ARHGAP15: variants seen among roughly 807,000 people sequenced by gnomAD.
ARHGAP15 encodes Rho GTPase activating protein 15, also known as rho GTPase-activating protein 15.
ARHGAP15 carries 51 observed loss-of-function variants against 63.7 expected under a neutral mutation model. The observed-to-expected ratio is 0.80, with a 90% CI of 0.64 to 1.01. The LOEUF is 1.01. ARHGAP15 is among the 50% of genes least tolerant of loss of function. ARHGAP15 has a pLI of 0.00. For missense variants in ARHGAP15, 560 were observed against 564.6 expected, an observed-to-expected ratio of 0.99 and a Z score of 0.08; for synonymous variants, 191 against 193.8, an observed-to-expected ratio of 0.99 and a Z score of 0.12.
intron 13 of ARHGAP15, among the ~76,000 whole-genome samples, chr2:143,755,227 A>G (rs1463980303): frequency 6.7e-6 from 1 of 148,904 alleles, no homozygotes; most frequent in Non-Finnish European, 1.5e-5. Context: ...TTGGTATAAA[A>G]TCTTTAATAT....
chr2:143,507,172 T>C (rs532971225), intron 9 of ARHGAP15, among the ~76,000 whole-genome samples: 161 of 152,316 alleles, frequency 1.1e-3, no homozygotes, highest in African/African-American at 3.8e-3. Context: ...CCAACTCAGT[T>C]ACCAGTGCCA....
At chr2:143,164,202 A>G (rs972410764) in intron 2 of ARHGAP15, among the ~76,000 whole-genome samples, 19 of 152,070 alleles carry the variant, frequency 1.2e-4, no homozygotes, top group Non-Finnish European at 2.5e-4. Flanking sequence ...AGGAAGCATT[A>G]AAGTATTTTA....
At chr2:143,609,069 T>G (rs1332307713) in intron 11 of ARHGAP15, among the ~76,000 whole-genome samples, 1 of 152,232 alleles carries the variant, frequency 6.6e-6, no homozygotes, top group Non-Finnish European at 1.5e-5. Context: ...AACTACACAA[T>G]TTCAGTATTC....
intron 6 of ARHGAP15, among the ~76,000 whole-genome samples, chr2:143,408,282 C>T (rs1688299147): frequency 1.3e-5 from 2 of 149,546 alleles, no homozygotes; most frequent in South Asian, 4.2e-4. Flanking sequence ...CTGCAAACTA[C>T]TTTTAATAGA....
intron 13 of ARHGAP15, among the ~76,000 whole-genome samples, chr2:143,721,504 A>G (rs962574463): frequency 5.3e-5 from 8 of 152,196 alleles, no homozygotes; most frequent in African/African-American, 1.9e-4. Context: ...GGGGGATATC[A>G]GCAGTGGTCT....
At position 143,282,907 on chromosome 2, in the gene ARHGAP15, C is replaced by T. The variant is rs943207893; in HGVS notation, c.474+32307C>T. 7.9e-5 allele frequency among the ~76,000 whole-genome samples: 12 copies of T among 152,234 alleles called. No homozygotes were observed. The East Asian group carries it at 1.2e-3, about 15-fold the overall frequency. ...CTCCTGTTGGTCTCCCTTGGCGTTACGCTGTAGCCAGCCCTTCAATACAAT... is the reference window on the plus strand; with the variant it reads ...CTCCTGTTGGTCTCCCTTGGCGTTATGCTGTAGCCAGCCCTTCAATACAAT... On this transcript the variant is annotated intron_variant, in intron 6 of 13. Transcript: ENST00000295095.
rs35149088 is a variant in ARHGAP15, at chr2:143,410,812, GTT to G, written c.475-24774_475-24773del. 2.0e-3 allele frequency among the ~76,000 whole-genome samples: 277 copies of G among 139,264 alleles called. 1 individual carries two copies. Among genetic ancestry groups the G allele is most frequent in the African/African-American group, 2.7e-3 (102 of 38,154 alleles). The allele number at this position is 139,264 out of a possible 152,430, so 91.4% of individuals were successfully genotyped here. On this transcript the variant is annotated intron_variant, in intron 6 of 13. Coordinates refer to ENST00000295095, the MANE Select transcript of ARHGAP15 (RefSeq NM_018460.4). Reference sequence around the variant, plus strand: ...TGAGTAAAATCTGAAGGAGGTGAAGGTTTTTTTTTTTTTTTTGAAAAAGTATA... The same window carrying G: ...TGAGTAAAATCTGAAGGAGGTGAAGGTTTTTTTTTTTTTTGAAAAAGTATA...
chr2:143,480,109 A>G (rs1692006377), intron 8 of ARHGAP15, among the ~76,000 whole-genome samples: 1 of 152,206 alleles, frequency 6.6e-6, no homozygotes, highest in African/African-American at 2.4e-5. Context: ...ATACATTATC[A>G]ATGTAGATAC....
intron 1 of ARHGAP15, among the ~76,000 whole-genome samples, chr2:143,151,279 A>G (rs1307731863): frequency 2.0e-5 from 3 of 152,014 alleles, no homozygotes; most frequent in Non-Finnish European, 4.4e-5. Context: ...AGGCTAAAAA[A>G]TAAGACCACC....
At chr2:143,476,110 T>A (rs1691803164) in intron 8 of ARHGAP15, among the ~76,000 whole-genome samples, 1 of 152,182 alleles carries the variant, frequency 6.6e-6, no homozygotes, top group South Asian at 2.1e-4. Flanking sequence ...ACTCTGCTTT[T>A]TCCAGGCACT....
chr2:143,493,282 C>T (rs1255602791), intron 9 of ARHGAP15, among the ~76,000 whole-genome samples: 1 of 152,100 alleles, frequency 6.6e-6, no homozygotes, highest in Non-Finnish European at 1.5e-5. Flanking sequence ...ACGTTACCTC[C>T]ATGGCTTTTT....
chr2:143,667,853 T>C (rs1311901625), intron 12 of ARHGAP15, among the ~76,000 whole-genome samples: 1 of 151,916 alleles, frequency 6.6e-6, no homozygotes, highest in African/African-American at 2.4e-5. Flanking sequence ...CCAGGCTTGG[T>C]GGCATGTGCC....
chr2:143,572,185 G>A (rs1337553746), intron 11 of ARHGAP15: 4 of 152,218 alleles, frequency 2.6e-5, no homozygotes, highest in Non-Finnish European at 5.9e-5. Context: ...TTTCAGCAAA[G>A]CTGTGCCTGC....
chr2:143,324,738 C>G (rs1684179760), intron 6 of ARHGAP15, among the ~76,000 whole-genome samples: 1 of 151,988 alleles, frequency 6.6e-6, no homozygotes, highest in South Asian at 2.1e-4. Flanking sequence ...TTTCATTCAT[C>G]CATATGAAAA....
chr2:143,525,708 CTCTTTGGGGTAGT>C (rs1694243208), intron 10 of ARHGAP15, among the ~76,000 whole-genome samples: 1 of 152,090 alleles, frequency 6.6e-6, no homozygotes, highest in Non-Finnish European at 1.5e-5. Flanking sequence ...CTGGAATTGG[CTCTTTGGGGTAGT>C]CACGCTGGGG....
chr2:143,345,772 T>A (rs1685245429), intron 6 of ARHGAP15, among the ~76,000 whole-genome samples: 1 of 152,144 alleles, frequency 6.6e-6, no homozygotes, highest in South Asian at 2.1e-4. Context: ...ACTAAGAGAA[T>A]AGAATTGTAC....
At chr2:143,290,634 G>GT (rs985319099) in intron 6 of ARHGAP15, among the ~76,000 whole-genome samples, 11 of 152,054 alleles carry the variant, frequency 7.2e-5, no homozygotes, top group Admixed American at 5.2e-4. Context: ...CCTGAGAATT[G>GT]TTTTAGCCCA....
chr2:143,259,570 G>A (rs1471073787), intron 6 of ARHGAP15, among the ~76,000 whole-genome samples: 1 of 152,126 alleles, frequency 6.6e-6, no homozygotes, highest in Non-Finnish European at 1.5e-5. Context: ...CTGCCATCTG[G>A]TGGCTACTTG....
intron 6 of ARHGAP15, among the ~76,000 whole-genome samples, chr2:143,418,080 A>G (rs1481447868): frequency 6.6e-6 from 1 of 152,194 alleles, no homozygotes; most frequent in African/African-American, 2.4e-5. Context: ...GAAAATTTGC[A>G]TGGCTTTGGA....
Sources: gnomAD v4.1 joint callset for allele counts (sites outside exome capture counted in the v4.1 genomes callset) on GRCh38, gnomAD v4.1.1 for gene constraint, MANE v1.5 for transcripts, NCBI Gene and HGNC (gene_info 2026-07-23, HGNC 2026-07-21) for gene names.